The following CFAP61 variants were observed in gnomAD, a reference collection of about 807,000 sequenced individuals.
The protein encoded by CFAP61 is cilia- and flagella-associated protein 61.
A neutral mutation model predicts 135.6 loss-of-function variants in CFAP61; 107 were observed. That is an observed-to-expected ratio of 0.79 (90% CI 0.67 to 0.93). The LOEUF (loss-of-function observed/expected upper bound fraction) is 0.93. Among genes scored for constraint, CFAP61 ranks in the 40% least tolerant of loss-of-function variants. CFAP61 has a pLI of 0.00. For missense variants in CFAP61, 1,507 were observed against 1,556.2 expected, an observed-to-expected ratio of 0.97 and a Z score of 0.53; for synonymous variants, 575 against 578.5, an observed-to-expected ratio of 0.99 and a Z score of 0.09.
intron 7 of CFAP61, among the ~76,000 whole-genome samples, chr20:20,098,441 C>T (rs2047743905): frequency 6.6e-6 from 1 of 151,540 alleles, no homozygotes. Flanking sequence ...GAAACTCCGT[C>T]TCTACTAAAA....
At chr20:20,282,237 A>C (rs111919062) in intron 22 of CFAP61, among the ~76,000 whole-genome samples, 119 of 149,932 alleles carry the variant, frequency 7.9e-4, no homozygotes, top group African/African-American at 2.8e-3. Context: ...TGTCAATTTT[A>C]TTGATCTTTT....
chr20:20,343,796 T>C (rs1207683825), intron 26 of CFAP61, among the ~76,000 whole-genome samples: 1 of 152,132 alleles, frequency 6.6e-6, no homozygotes, highest in Non-Finnish European at 1.5e-5. Flanking sequence ...GGGGTTTTAG[T>C]CTTAAAGCTT....
intron 22 of CFAP61, among the ~76,000 whole-genome samples, chr20:20,279,678 A>G (rs1410305235): frequency 6.6e-6 from 1 of 152,148 alleles, no homozygotes; most frequent in Non-Finnish European, 1.5e-5. Flanking sequence ...CTGTAACCTC[A>G]ACTGTCTTGA....
chr20:20,074,437 A>T, intron 4 of CFAP61, 59 bp downstream of exon 4: 1 of 1,433,038 alleles, frequency 7.0e-7, no homozygotes, highest in Middle Eastern at 1.8e-4. Flanking sequence ...ATAGTTTTGA[A>T]ATATTTTTTA....
At chr20:20,131,679 A>T (rs2146721412) in intron 8 of CFAP61, among the ~76,000 whole-genome samples, 1 of 151,148 alleles carries the variant, frequency 6.6e-6, no homozygotes, top group South Asian at 2.1e-4. Flanking sequence ...GGCTTATTTG[A>T]TGTTTTTTTA....
intron 14 of CFAP61, among the ~76,000 whole-genome samples, chr20:20,189,676 AG>A (rs967103343): frequency 2.6e-5 from 4 of 152,244 alleles, no homozygotes; most frequent in Non-Finnish European, 5.9e-5. Flanking sequence ...CGATGCCACT[AG>A]CCGCTAAATG....
chr20:20,277,442 T>C lies in CFAP61; in HGVS notation c.2780T>C (p.Phe927Ser). 1 of 1,611,126 alleles carries C rather than the reference T, an allele frequency of 6.2e-7. No individual in the cohort carries two copies. The highest frequency in any genetic ancestry group is 8.5e-7 in the Non-Finnish European group (1 of 1,178,128). ...SASFTTPTKPFRLQCSMFFSF... is the reference protein window; with the variant it reads ...SASFTTPTKPSRLQCSMFFSF... ...TCCTTCACCACACCCACCAAGCCTT[T>C]CAGACTCCAGTGCTCTGTAAGTGGG... The change falls in exon 22 of 27, where the codon TTC becomes TCC. Residue 927 changes from phenylalanine (F) to serine (S), a missense_variant. Physicochemically the swap from Phe to Ser is radical, Grantham distance 155 (BLOSUM62 -2). Transcript: ENST00000245957.
intron 25 of CFAP61, among the ~76,000 whole-genome samples, chr20:20,329,684 C>T (rs902313903): frequency 5.9e-5 from 9 of 152,328 alleles, no homozygotes; most frequent in South Asian, 4.1e-4. Flanking sequence ...GAGTCTGCCC[C>T]GCCCACTGCC....
chr20:20,188,267 A>T (rs2055658785), intron 14 of CFAP61, among the ~76,000 whole-genome samples: 1 of 152,230 alleles, frequency 6.6e-6, no homozygotes, highest in Non-Finnish European at 1.5e-5. Flanking sequence ...CCCCAGAGGG[A>T]TCAGATACCC....
chr20:20,130,013 G>T (rs1220758017), intron 8 of CFAP61, among the ~76,000 whole-genome samples: 1 of 151,564 alleles, frequency 6.6e-6, no homozygotes, highest in Non-Finnish European at 1.5e-5. Context: ...TGAGTAGCCG[G>T]GCGCGATGGC....
chr20:20,245,890 AC>A (rs2050416405), intron 18 of CFAP61, among the ~76,000 whole-genome samples: 1 of 152,222 alleles, frequency 6.6e-6, no homozygotes, highest in Middle Eastern at 3.2e-3. Context: ...CTGTCTCATT[AC>A]TAATGTGTAG....
At chr20:20,207,819 AC>A (rs1476969457) in intron 17 of CFAP61, among the ~76,000 whole-genome samples, 2 of 152,188 alleles carry the variant, frequency 1.3e-5, no homozygotes, top group African/African-American at 2.4e-5. Flanking sequence ...TCTTTTGATT[AC>A]CTTTGTTAAT....
intron 7 of CFAP61, among the ~76,000 whole-genome samples, chr20:20,092,163 A>G (rs2047248677): frequency 6.6e-6 from 1 of 152,354 alleles, no homozygotes; most frequent in East Asian, 1.9e-4. Flanking sequence ...TGACAATTAC[A>G]GTTTTGAATA....
chr20:20,117,602 T>C (rs2146684377), intron 8 of CFAP61, among the ~76,000 whole-genome samples: 1 of 152,252 alleles, frequency 6.6e-6, no homozygotes, highest in African/African-American at 2.4e-5. Context: ...ATTTTAGCAT[T>C]GTTTTTTCTG....
chr20:20,339,615 A>G (rs1398503156), intron 25 of CFAP61, among the ~76,000 whole-genome samples: 1 of 151,994 alleles, frequency 6.6e-6, no homozygotes, highest in Non-Finnish European at 1.5e-5. Flanking sequence ...GACCACAGGC[A>G]TATGTCACCA....
intron 8 of CFAP61, 25 bp from the exon 9 acceptor site, chr20:20,142,832 C>G: frequency 5.1e-6 from 7 of 1,359,840 alleles, no homozygotes; most frequent in Non-Finnish European, 7.3e-6. Context: ...TATTTTCTGT[C>G]ATTATTCTAT....
At chr20:20,102,002 C>T (rs868559791) in intron 8 of CFAP61, among the ~76,000 whole-genome samples, 1 of 152,100 alleles carries the variant, frequency 6.6e-6, no homozygotes, top group African/African-American at 2.4e-5. Context: ...CATATCCCTC[C>T]GACTTTTATT....
At chr20:20,326,957 G>T (rs1336949831) in intron 25 of CFAP61, among the ~76,000 whole-genome samples, 2 of 151,746 alleles carry the variant, frequency 1.3e-5, no homozygotes, top group Non-Finnish European at 2.9e-5. Flanking sequence ...ACTCTGATAG[G>T]TTTTTTTTCA....
chr20:20,354,454 G>A (rs141818050), intron 26 of CFAP61, among the ~76,000 whole-genome samples: 2,297 of 144,704 alleles, frequency 0.016, 53 homozygotes, highest in African/African-American at 0.055. Flanking sequence ...GGTGAGCCAA[G>A]ATCATACCAC....
Sources: allele counts gnomAD v4.1 joint callset (sites outside exome capture counted in the v4.1 genomes callset), GRCh38; gene constraint gnomAD v4.1.1; transcripts MANE v1.5; gene names NCBI Gene and HGNC (gene_info 2026-07-23, HGNC 2026-07-21).